Variants in PTPRT observed in about 807,000 individuals in gnomAD.
PTPRT encodes protein tyrosine phosphatase receptor type T.
Under a neutral mutation model 176.8 loss-of-function variants are expected in PTPRT, and 56 were observed. The ratio of observed to expected loss-of-function variants is 0.32; its 90% CI spans 0.26 to 0.40. The LOEUF (loss-of-function observed/expected upper bound fraction) is 0.40. Among genes scored for constraint, PTPRT ranks in the 10% least tolerant of loss-of-function variants. The pLI, the probability that PTPRT is intolerant of heterozygous loss-of-function variation, is 1.00. For missense variants in PTPRT, 1,540 were observed against 1,908.2 expected (o/e 0.81, Z 3.60); for synonymous variants, 783 against 739.0 (o/e 1.06, Z -0.96).
intron 6 of PTPRT, among the ~76,000 whole-genome samples, chr20:42,697,594 G>A (rs2075902208): frequency 6.6e-6 from 1 of 152,166 alleles, no homozygotes; most frequent in South Asian, 2.1e-4. Context: ...CACACAGCAA[G>A]GATTGTTAAT....
intron 1 of PTPRT, among the ~76,000 whole-genome samples, chr20:43,182,928 T>A (rs1196367602): frequency 6.6e-6 from 1 of 152,198 alleles, no homozygotes; most frequent in Non-Finnish European, 1.5e-5. Flanking sequence ...ATCCTTAGCT[T>A]AATGAGAAAA....
chr20:42,172,491 C>G (rs1190506358), intron 16 of PTPRT, among the ~76,000 whole-genome samples: 1 of 152,214 alleles, frequency 6.6e-6, no homozygotes, highest in Non-Finnish European at 1.5e-5. Flanking sequence ...TCAGGGTCAG[C>G]TGGTAAACAC....
intron 1 of PTPRT, among the ~76,000 whole-genome samples, chr20:43,045,973 T>C (rs1386177464): frequency 2.0e-5 from 3 of 152,010 alleles, no homozygotes; most frequent in Non-Finnish European, 4.4e-5. Flanking sequence ...AGTTCAGGAA[T>C]GGGCATTCCA....
At chr20:42,630,264 C>G (rs548463213) in intron 7 of PTPRT, among the ~76,000 whole-genome samples, 2 of 152,260 alleles carry the variant, frequency 1.3e-5, no homozygotes, top group South Asian at 4.1e-4. Flanking sequence ...CCCAGAACCT[C>G]TAGAACCAAC....
chr20:42,869,227 T>C (rs6030533), intron 2 of PTPRT, among the ~76,000 whole-genome samples: 1 of 151,718 alleles, frequency 6.6e-6, no homozygotes, highest in Non-Finnish European at 1.5e-5. Flanking sequence ...CATGGAGCCA[T>C]GGAGATGGGC....
intron 1 of PTPRT, among the ~76,000 whole-genome samples, chr20:42,932,052 C>T (rs879607290): frequency 7.2e-5 from 11 of 152,188 alleles, no homozygotes; most frequent in Non-Finnish European, 1.0e-4. Flanking sequence ...CTGGCTTGGG[C>T]GTGAGTCCTG....
chr20:42,911,348 C>T (rs915702392), intron 1 of PTPRT, among the ~76,000 whole-genome samples: 4 of 152,068 alleles, frequency 2.6e-5, no homozygotes, highest in African/African-American at 4.8e-5. Flanking sequence ...TAAATATATA[C>T]TAGCTATTAT....
intron 1 of PTPRT, among the ~76,000 whole-genome samples, chr20:43,131,929 T>A (rs111322534): frequency 3.9e-5 from 6 of 152,258 alleles, no homozygotes; most frequent in African/African-American, 1.4e-4. Flanking sequence ...CATATACTCA[T>A]TCCTCATCTA....
chr20:43,056,902 T>C (rs1034091866), intron 1 of PTPRT, among the ~76,000 whole-genome samples: 6 of 152,152 alleles, frequency 3.9e-5, no homozygotes, highest in Non-Finnish European at 7.3e-5. Flanking sequence ...AGGAAATTTT[T>C]CCTCAAGCGT....
intron 1 of PTPRT, among the ~76,000 whole-genome samples, chr20:43,040,597 C>T (rs1986565007): frequency 6.6e-6 from 1 of 152,208 alleles, no homozygotes. Context: ...TGACAGAGCT[C>T]CCTCGCTGTC....
chr20:42,948,678 C>T (rs1296058616), intron 1 of PTPRT, among the ~76,000 whole-genome samples: 2 of 152,134 alleles, frequency 1.3e-5, no homozygotes, highest in South Asian at 2.1e-4. Context: ...AACTGATGAC[C>T]TCATGTGAGT....
chr20:43,012,225 G>GATGGAAT (rs2146154033), intron 1 of PTPRT, among the ~76,000 whole-genome samples: 1 of 152,228 alleles, frequency 6.6e-6, no homozygotes, highest in South Asian at 2.1e-4. Context: ...TACAACACAG[G>GATGGAAT]ATGGAATATT....
intron 16 of PTPRT, 68 bp from the exon 17 acceptor site, chr20:42,161,610 C>T: frequency 1.3e-6 from 2 of 1,508,548 alleles, no homozygotes; most frequent in South Asian, 2.7e-5. Context: ...TCCCTGTCTC[C>T]CCCAGCTTGG....
At chr20:43,093,549 CACA>C (rs2011976497) in intron 1 of PTPRT, among the ~76,000 whole-genome samples, 1 of 152,208 alleles carries the variant, frequency 6.6e-6, no homozygotes, top group East Asian at 1.9e-4. Context: ...CATGCACACA[CACA>C]ACAGGTCTGT....
chr20:42,455,038 TA>T (rs1337835713), intron 8 of PTPRT, among the ~76,000 whole-genome samples: 1 of 152,224 alleles, frequency 6.6e-6, no homozygotes, highest in East Asian at 1.9e-4. Context: ...AGACATGTTT[TA>T]CTAGCACTTC....
intron 11 of PTPRT, among the ~76,000 whole-genome samples, chr20:42,325,963 T>C (rs2057875642): frequency 6.6e-6 from 1 of 152,270 alleles, no homozygotes; most frequent in South Asian, 2.1e-4. Flanking sequence ...CCCTTGGAGA[T>C]AGGCAACCTA....
intron 1 of PTPRT, among the ~76,000 whole-genome samples, chr20:43,045,524 G>A (rs577663461): frequency 7.0e-6 from 1 of 141,928 alleles, no homozygotes; most frequent in East Asian, 2.0e-4. Context: ...TGTTATCTCA[G>A]CTCACTCTTA....
At chr20:43,178,670 G>C (rs2015178161) in intron 1 of PTPRT, among the ~76,000 whole-genome samples, 1 of 152,180 alleles carries the variant, frequency 6.6e-6, no homozygotes. Context: ...GGCCTGTTAA[G>C]TGCATTTGTG....
intron 7 of PTPRT, among the ~76,000 whole-genome samples, chr20:42,655,866 A>G (rs1358505244): frequency 6.6e-6 from 1 of 152,210 alleles, no homozygotes; most frequent in Non-Finnish European, 1.5e-5. Flanking sequence ...GTAGTCAGGC[A>G]TAAGGACTTG....
Sources: allele counts gnomAD v4.1 joint callset (sites outside exome capture counted in the v4.1 genomes callset), GRCh38; gene constraint gnomAD v4.1.1; transcripts MANE v1.5; gene names NCBI Gene and HGNC (gene_info 2026-07-23, HGNC 2026-07-21).